Variants in TRMT11 observed in about 807,000 individuals in gnomAD.
TRMT11 encodes the protein tRNA methyltransferase 11, also known as tRNA (guanine(10)-N(2))-methyltransferase TRMT11.
TRMT11 carries 53 observed loss-of-function variants against 62.8 expected under a neutral mutation model. That is an observed-to-expected ratio of 0.84 (90% confidence interval 0.68 to 1.06). TRMT11 has a LOEUF of 1.06. TRMT11 is among the 50% of genes least tolerant of loss of function. The probability of loss-of-function intolerance (pLI) is 0.00; values close to 1 mark genes in which losing one functional copy is unlikely to be tolerated. For missense variants in TRMT11, 556 were observed against 553.4 expected, an observed-to-expected ratio of 1.00 and a Z score of -0.05; for synonymous variants, 188 against 190.3, an observed-to-expected ratio of 0.99 and a Z score of 0.10.
chr6:126,262,141 C>T, the TRMT11 span, among the ~76,000 whole-genome samples: 4 of 152,156 alleles, frequency 2.6e-5, no homozygotes, highest in African/African-American at 9.7e-5. Context: ...GATGGCTCTT[C>T]CACCATACCA....
the TRMT11 span, among the ~76,000 whole-genome samples, chr6:126,252,401 G>A: frequency 6.6e-6 from 1 of 152,194 alleles, no homozygotes; most frequent in Non-Finnish European, 1.5e-5. Flanking sequence ...ACTCCAAGGT[G>A]CTCTAAGAGT....
intron 2 of TRMT11, among the ~76,000 whole-genome samples, chr6:126,199,464 C>T (rs1778710367): frequency 6.6e-6 from 1 of 152,186 alleles, no homozygotes; most frequent in Admixed American, 6.5e-5. Flanking sequence ...CATACTTTGT[C>T]CTCCCAAGCT....
intron 11 of TRMT11, among the ~76,000 whole-genome samples, chr6:126,016,490 G>A (rs751905670): frequency 1.6e-4 from 24 of 152,234 alleles, no homozygotes; most frequent in Middle Eastern, 3.4e-3. Context: ...ATATGTGGTT[G>A]AGAATTTATT....
At chr6:126,163,160 G>T (rs1441328694) in intron 21 of TRMT11, among the ~76,000 whole-genome samples, 7 of 152,156 alleles carry the variant, frequency 4.6e-5, no homozygotes, top group Admixed American at 3.9e-4. Context: ...AATGCTTCCA[G>T]TTTTTGCCCA....
At chr6:126,021,801 TAC>T in intron 12 of TRMT11, among the ~76,000 whole-genome samples, 1 of 152,340 alleles carries the variant, frequency 6.6e-6, no homozygotes, top group African/African-American at 2.4e-5. Context: ...CATACTCTCT[TAC>T]ATACAAAATT....
chr6:126,040,249 C>T (rs1485215890), downstream of TRMT11, among the ~76,000 whole-genome samples: 4 of 151,976 alleles, frequency 2.6e-5, no homozygotes, highest in Non-Finnish European at 5.9e-5. Context: ...GTCACATTAT[C>T]CTTAAAAATT....
Position 126,038,709 on chromosome 6 carries a change from G to A in TRMT11, c.1265G>A (p.Arg422Gln), listed in dbSNP as rs140935001. ...TTGTATTTTCCAACCAAACAGAATCGGGACCAGTATTCACATCTGCTAAGT... is the reference window on the plus strand; with the variant it reads ...TTGTATTTTCCAACCAAACAGAATCAGGACCAGTATTCACATCTGCTAAGT... Reference protein sequence around the residue: ...TMEKVKKFENRDQYSHLLSDH... With the variant: ...TMEKVKKFENQDQYSHLLSDH... The change falls in exon 13 of 13, where the codon CGG (arginine) becomes CAG (glutamine). Residue 422 changes from arginine (R) to glutamine (Q), a missense_variant. By Grantham distance (43) the Arg-to-Gln change is conservative. Transcript: ENST00000334379. The A allele has an allele frequency of 2.6e-5, 41 of 1,547,704 alleles. No homozygotes were observed. Among genetic ancestry groups the A allele is most frequent in the Middle Eastern group, 3.4e-4 (2 of 5,814 alleles).
chr6:126,188,111 A>G (rs1280124397), intron 1 of TRMT11, among the ~76,000 whole-genome samples: 1 of 151,968 alleles, frequency 6.6e-6, no homozygotes, highest in Non-Finnish European at 1.5e-5. Flanking sequence ...ACAATTCATA[A>G]AATAAACTTT....
At chr6:125,990,445 G>A (rs746702850) in intron 1 of TRMT11, among the ~76,000 whole-genome samples, 7 of 152,100 alleles carry the variant, frequency 4.6e-5, no homozygotes, top group Non-Finnish European at 1.0e-4. Flanking sequence ...CCTCTGGGGG[G>A]CCCTTTCTCT....
intron 16 of TRMT11, among the ~76,000 whole-genome samples, chr6:126,047,518 C>T (rs1776094013): frequency 3.3e-5 from 5 of 152,012 alleles, no homozygotes; most frequent in Admixed American, 3.3e-4. Context: ...GCCCCGTATT[C>T]ACCATCCTTC....
intron 21 of TRMT11, among the ~76,000 whole-genome samples, chr6:126,143,312 A>G (rs1316082790): frequency 6.6e-6 from 1 of 152,156 alleles, no homozygotes; most frequent in East Asian, 1.9e-4. Context: ...CCATATATAC[A>G]TAAGGGTATG....
chr6:126,241,109 C>T, the TRMT11 span, among the ~76,000 whole-genome samples: 3 of 152,216 alleles, frequency 2.0e-5, no homozygotes, highest in Admixed American at 1.3e-4. Flanking sequence ...CCATCTGTCA[C>T]CCCTTTCCTT....
downstream of TRMT11, among the ~76,000 whole-genome samples, chr6:126,204,241 T>C (rs1778768974): frequency 6.6e-6 from 1 of 152,242 alleles, no homozygotes; most frequent in Non-Finnish European, 1.5e-5. Context: ...TTCTTGGGCT[T>C]TCCTCTGAAA....
At chr6:126,045,940 G>A (rs766805176) in intron 16 of TRMT11, among the ~76,000 whole-genome samples, 1 of 152,080 alleles carries the variant, frequency 6.6e-6, no homozygotes, top group African/African-American at 2.4e-5. Context: ...GTTGCTTTCA[G>A]AGAGCATTGG....
the TRMT11 span, among the ~76,000 whole-genome samples, chr6:126,215,623 C>G: frequency 6.6e-6 from 1 of 151,846 alleles, no homozygotes; most frequent in Non-Finnish European, 1.5e-5. Flanking sequence ...TAGCTGATTC[C>G]TGGTTTTTTA....
chr6:126,228,794 C>T, the TRMT11 span, among the ~76,000 whole-genome samples: 21 of 152,172 alleles, frequency 1.4e-4, no homozygotes, highest in Non-Finnish European at 3.1e-4. Flanking sequence ...CAGAGCTCCA[C>T]GAGCATTTGG....
At chr6:126,188,775 C>A (rs1414445302) in intron 1 of TRMT11, among the ~76,000 whole-genome samples, 1 of 152,032 alleles carries the variant, frequency 6.6e-6, no homozygotes, top group East Asian at 1.9e-4. Context: ...TCTTGAATCC[C>A]AAACACATGT....
chr6:126,180,845 C>T (rs1778454150), intron 1 of TRMT11, among the ~76,000 whole-genome samples: 1 of 152,092 alleles, frequency 6.6e-6, no homozygotes, highest in Non-Finnish European at 1.5e-5. Flanking sequence ...AGCAACATGA[C>T]TCTGATGACA....
chr6:126,074,768 C>T (rs1776964448), intron 17 of TRMT11, among the ~76,000 whole-genome samples: 1 of 151,866 alleles, frequency 6.6e-6, no homozygotes, highest in Admixed American at 6.6e-5. Context: ...CACCAGAATC[C>T]TCAGTGAACT....
Sources: allele counts gnomAD v4.1 joint callset (sites outside exome capture counted in the v4.1 genomes callset), GRCh38; gene constraint gnomAD v4.1.1; transcripts MANE v1.5; gene names NCBI Gene and HGNC (gene_info 2026-07-23, HGNC 2026-07-21).